Variants in ZNRF3 observed in about 807,000 individuals in gnomAD.
ZNRF3 encodes zinc and ring finger 3.
In ZNRF3, 23 loss-of-function variants were observed where a neutral mutation model predicts 72.5. The observed-to-expected ratio is 0.32, with a 90% CI of 0.23 to 0.45. The LOEUF (loss-of-function observed/expected upper bound fraction) is 0.45, where lower values mean the gene tolerates loss of function less well. ZNRF3 is among the 20% of genes least tolerant of loss of function. The probability of loss-of-function intolerance (pLI) is 1.00; values close to 1 mark genes in which losing one functional copy is unlikely to be tolerated. For synonymous variants in ZNRF3, 610 were observed against 545.3 expected, an observed-to-expected ratio of 1.12 and a Z score of -1.65; for missense variants, 1,169 against 1,272.1, an observed-to-expected ratio of 0.92 and a Z score of 1.23.
chr22:28,887,231 AGAGAGTGTGTGTGT>A (rs1397024613), intron 1 of ZNRF3, among the ~76,000 whole-genome samples: 2 of 112,024 alleles, frequency 1.8e-5, no homozygotes, highest in African/African-American at 5.1e-5. Context: ...AGAGAGAGAG[AGAGAGTGTGTGTGT>A]GTGTGTGTGT....
chr22:28,982,433 CAAAAA>C (rs61589852), intron 1 of ZNRF3, among the ~76,000 whole-genome samples: 1 of 76,532 alleles, frequency 1.3e-5, no homozygotes, highest in African/African-American at 6.7e-5. Flanking sequence ...CCTGTCTCTA[CAAAAA>C]AAAAAAAAAA....
intron 2 of ZNRF3, among the ~76,000 whole-genome samples, chr22:29,010,924 C>T (rs1471577868): frequency 6.6e-6 from 1 of 152,222 alleles, no homozygotes; most frequent in East Asian, 1.9e-4. Context: ...CCGCCTCAGC[C>T]TCCCAGAGTG....
chr22:28,925,851 A>T (rs7288513), intron 1 of ZNRF3, among the ~76,000 whole-genome samples: 14,974 of 152,088 alleles, frequency 0.098, 1,164 homozygotes, highest in African/African-American at 0.21. Flanking sequence ...CTGAGATGTT[A>T]TAATGGATGT....
In ZNRF3 at chr22:28,951,195, G is replaced by A. The variant is rs181137581; in HGVS notation, c.301-35881G>A. On this transcript the variant is annotated intron_variant, in intron 1 of 8. Transcript: ENST00000544604. Reference sequence around the variant, plus strand: ...GCCCTTCCTTTTTCAACCACTAGTGGTTCTCCTAAGGGCCCTCTTCTGGGT... The same window carrying A: ...GCCCTTCCTTTTTCAACCACTAGTGATTCTCCTAAGGGCCCTCTTCTGGGT... Among the ~76,000 whole-genome samples, 396 of 152,278 alleles carry A rather than the reference G, an allele frequency of 2.6e-3. 8 individuals carry two copies. The highest frequency in any genetic ancestry group is 1.0e-3 in the Non-Finnish European group (70 of 68,032).
At chr22:28,937,215 ATTTTTTTTT>A (rs370829828) in intron 1 of ZNRF3, among the ~76,000 whole-genome samples, 27 of 8,834 alleles carry the variant, frequency 3.1e-3, no homozygotes, top group East Asian at 0.017. Context: ...ATATATATAT[ATTTTTTTTT>A]TTTTTTTTTT....
intron 1 of ZNRF3, among the ~76,000 whole-genome samples, chr22:28,945,042 G>A (rs1197923454): frequency 2.3e-4 from 35 of 151,636 alleles, no homozygotes; most frequent in Non-Finnish European, 1.5e-5. Flanking sequence ...GATGGGCTGC[G>A]TGCAGTGGCT....
At chr22:28,914,591 G>T (rs140662354) in intron 1 of ZNRF3, among the ~76,000 whole-genome samples, 3,231 of 151,166 alleles carry the variant, frequency 0.021, 78 homozygotes, top group African/African-American at 0.051. Flanking sequence ...GAGGTGGGAG[G>T]ATCACCTGAA....
At chr22:28,984,452 TG>T in intron 1 of ZNRF3, among the ~76,000 whole-genome samples, 1 of 152,228 alleles carries the variant, frequency 6.6e-6, no homozygotes, top group South Asian at 2.1e-4. Flanking sequence ...TTGATATAGA[TG>T]CAAAGTCTTA....
chr22:29,017,964 G>A lies in ZNRF3; in HGVS notation c.427-24531G>A, dbSNP rs117728060. 342 of 518,886 alleles carry A rather than the reference G, an allele frequency of 6.6e-4. 1 individual carries two copies. The East Asian group carries it at 0.017, about 26-fold the overall frequency. The allele number at this position is 518,886 out of a possible 1,614,324, so 32.1% of individuals were successfully genotyped here. ...ATCAAGGGTCCAGGACAGCAGTTGA[G>A]GTAACATGAATAACCTATGCAACAG... On this transcript the variant is annotated intron_variant, in intron 2 of 8. Transcript: ENST00000544604.
intron 2 of ZNRF3, among the ~76,000 whole-genome samples, chr22:28,991,218 G>A (rs1301325208): frequency 1.5e-5 from 2 of 131,620 alleles, no homozygotes; most frequent in Admixed American, 1.8e-4. Flanking sequence ...GGAGGTCAAG[G>A]CTGCAGCGAG....
At position 29,056,411 on chromosome 22, in the gene ZNRF3, A is replaced by G. The variant is rs1471884277; in HGVS notation, c.*2789A>G. The G allele has an allele frequency of 1.3e-5, 2 of 152,218 alleles. No individual in the cohort carries two copies. The highest frequency in any genetic ancestry group is 4.8e-5 in the African/African-American group (2 of 41,444). The allele number at this position is 152,218 out of a possible 1,614,324, so 9.4% of individuals were successfully genotyped here. ...CCACCATGCCTGCCCAGCAATACCA[A>G]CCATTGTCTTTTAAATTCGTGTTGG... On this transcript the variant is annotated 3_prime_UTR_variant, in exon 9 of 9. Coordinates refer to ENST00000544604, the MANE Select transcript of ZNRF3 (RefSeq NM_001206998.2).
chr22:28,965,656 C>G (rs556897805), intron 1 of ZNRF3, among the ~76,000 whole-genome samples: 4 of 152,314 alleles, frequency 2.6e-5, no homozygotes, highest in Non-Finnish European at 5.9e-5. Context: ...AAGGAAACAA[C>G]AAGACAGAAG....
intron 1 of ZNRF3, among the ~76,000 whole-genome samples, chr22:28,908,851 A>G (rs1489711417): frequency 6.6e-6 from 1 of 152,154 alleles, no homozygotes; most frequent in Non-Finnish European, 1.5e-5. Flanking sequence ...AGTAGAGACC[A>G]TTGGTCCCCA....
At chr22:29,023,694 G>T (rs1366990870) in intron 2 of ZNRF3, among the ~76,000 whole-genome samples, 1 of 152,240 alleles carries the variant, frequency 6.6e-6, no homozygotes, top group African/African-American at 2.4e-5. Flanking sequence ...TTTATTCCAT[G>T]TGGGGCTGTC....
intron 1 of ZNRF3, among the ~76,000 whole-genome samples, chr22:28,954,730 C>CA (rs2035225365): frequency 6.6e-6 from 1 of 151,428 alleles, no homozygotes; most frequent in East Asian, 2.0e-4. Context: ...TGGGCTCTAG[C>CA]AATCCTCCTG....
At chr22:28,920,989 C>A (rs1490263745) in intron 1 of ZNRF3, among the ~76,000 whole-genome samples, 3 of 152,242 alleles carry the variant, frequency 2.0e-5, no homozygotes, top group Non-Finnish European at 4.4e-5. Flanking sequence ...GGTTCCCAGC[C>A]CACTGGCCAC....
At chr22:28,947,788 T>G (rs915927887) in intron 1 of ZNRF3, among the ~76,000 whole-genome samples, 5 of 152,234 alleles carry the variant, frequency 3.3e-5, no homozygotes, top group Non-Finnish European at 7.3e-5. Flanking sequence ...TCTGAGAAGT[T>G]AGAATCAAAC....
intron 1 of ZNRF3, among the ~76,000 whole-genome samples, chr22:28,974,694 G>T (rs1408111727): frequency 1.3e-5 from 2 of 152,106 alleles, no homozygotes; most frequent in Non-Finnish European, 1.5e-5. Context: ...TGTCCAGGCT[G>T]GCGCGCCATG....
At chr22:28,975,691 C>T (rs902354091) in intron 1 of ZNRF3, among the ~76,000 whole-genome samples, 3 of 151,810 alleles carry the variant, frequency 2.0e-5, no homozygotes, top group African/African-American at 4.8e-5. Context: ...GAGCTGAGAT[C>T]GCACCACTGC....
Sources: gnomAD v4.1 joint callset for allele counts (sites outside exome capture counted in the v4.1 genomes callset) on GRCh38, gnomAD v4.1.1 for gene constraint, MANE v1.5 for transcripts, NCBI Gene and HGNC (gene_info 2026-07-23, HGNC 2026-07-21) for gene names.